Variants in TLE2 observed in about 807,000 individuals in gnomAD.
The protein encoded by TLE2 is transducin-like enhancer protein 2.
TLE2 carries 74 observed loss-of-function variants against 97.2 expected under a neutral mutation model. The observed-to-expected ratio is 0.76, with a 90% CI of 0.63 to 0.92. TLE2 has a LOEUF of 0.92. TLE2 is among the 40% of genes least tolerant of loss of function. The pLI is 0.00. For missense variants in TLE2, 1,038 were observed against 1,008.7 expected, an observed-to-expected ratio of 1.03 and a Z score of -0.39; for synonymous variants, 499 against 432.1, an observed-to-expected ratio of 1.15 and a Z score of -1.92.
At chr19:3,039,830 A>C (rs1599256392) in intron 1 of TLE2, among the ~76,000 whole-genome samples, 1 of 152,038 alleles carries the variant, frequency 6.6e-6, no homozygotes, top group South Asian at 2.1e-4. Flanking sequence ...AGATCACACT[A>C]CCTCCAGAGG....
At chr19:3,030,130 C>T (rs572504112), upstream of TLE2, among the ~76,000 whole-genome samples, 1 of 152,258 alleles carries the variant, frequency 6.6e-6, no homozygotes, top group Non-Finnish European at 1.5e-5. Context: ...AGTGCATGAA[C>T]GCTGTCAGCC....
chr19:3,006,741 A>T (rs908024141), intron 14 of TLE2, 72 bp from the exon 15 acceptor site: 1 of 1,512,006 alleles, frequency 6.6e-7, no homozygotes, highest in Non-Finnish European at 8.9e-7. Context: ...GAGGGCAGGG[A>T]GACGCCTTTG....
upstream of TLE2, among the ~76,000 whole-genome samples, chr19:3,033,883 T>C (rs1035061672): frequency 4.0e-5 from 6 of 151,698 alleles, no homozygotes; most frequent in South Asian, 1.0e-3. Context: ...CGTAGGTCTC[T>C]GTCCTTCCTT....
rs377096937 is a variant in TLE2 at position 3,028,370 on chromosome 19, T to C, written c.135A>G (p.Glu45=). The C allele has an allele frequency of 5.7e-5, 91 of 1,607,792 alleles. No homozygotes were observed. In the African/African-American group the frequency reaches 1.1e-3, roughly 19 times the overall value. Residue 45 remains glutamate, a synonymous_variant, in exon 3 of 20, where the codon GAA becomes GAG. Coordinates refer to ENST00000262953, the MANE Select transcript of TLE2 (RefSeq NM_003260.5). ...LQAQYHSLKL[E]CEKLASEKTE... The stretch of plus-strand genomic sequence containing the variant: ...TCTTCTCGCTGGCCAGCTTCTCACA[T>C]TCTAGCTTGAGGCTGAGAAGAAGAG...
chr19:3,015,737 C>T lies in TLE2; in HGVS notation c.594G>A (p.Glu198=). 6.2e-7 allele frequency: 1 copy of T among 1,610,740 alleles called. No homozygotes were observed. The highest frequency in any genetic ancestry group is 8.5e-7 in the Non-Finnish European group (1 of 1,179,054). ...PSRSASPSPP[E]SLVEEERPSG... ...TCGGTCGCTCCTCCTCCACGAGACTCTCAGGGGGCGAGGGAGATGCACTCT... is the reference window on the plus strand; with the variant it reads ...TCGGTCGCTCCTCCTCCACGAGACTTTCAGGGGGCGAGGGAGATGCACTCT... Residue 198 remains glutamate, a synonymous_variant, in exon 9 of 20, where the codon GAG becomes GAA. Transcript: ENST00000262953.
rs368681053 is a variant in TLE2, at chr19:3,019,499, G to C, written c.370-36C>G. The C allele has an allele frequency of 3.4e-6, 5 of 1,486,720 alleles. No individual in the cohort carries two copies. In the Admixed American group the frequency reaches 1.1e-4, roughly 33 times the overall value. 92.1% of individuals were successfully genotyped at this position (1,486,720 alleles called of 1,614,324 possible). ...GGAGGCAGGATGGGCCGGGGCGGGG[G>C]GCGGCAGGAGCCCAGCGGTCCCCAG... On this transcript the variant is annotated intron_variant, in intron 6 of 19. Transcript: ENST00000262953. The surrounding 1 kb of genome is among the most constrained non-coding windows in gnomAD (Gnocchi z 5.1).
chr19:3,015,894 G>C (rs2089692602), intron 8 of TLE2, 134 bp from the exon 9 acceptor site: 2 of 727,990 alleles, frequency 2.7e-6, no homozygotes, highest in African/African-American at 1.7e-5. Flanking sequence ...CTGGGAAATG[G>C]GAGCTTCCAA....
chr19:2,999,878 C>T (rs2089315488), intron 19 of TLE2, among the ~76,000 whole-genome samples: 1 of 143,636 alleles, frequency 7.0e-6, no homozygotes, highest in South Asian at 2.3e-4. Context: ...ACTGAAAATA[C>T]AAAAATTAGC....
intron 12 of TLE2, 119 bp downstream of exon 12, chr19:3,010,903 G>T: frequency 7.3e-7 from 1 of 1,377,646 alleles, no homozygotes; most frequent in Non-Finnish European, 9.7e-7. Flanking sequence ...TCACAAAAAG[G>T]ACCAAGGCAA....
chr19:2,997,825 G>A lies in TLE2; in HGVS notation c.*23C>T, dbSNP rs2089248711. On this transcript the variant is annotated 3_prime_UTR_variant, in exon 20 of 20. Transcript: ENST00000262953. Reference sequence around the variant, plus strand: ...GATTCCCCTGGGAGTCTGGACTTCGGGTACAGGAAGGGGGGTCATGTCTCA... The same window carrying A: ...GATTCCCCTGGGAGTCTGGACTTCGAGTACAGGAAGGGGGGTCATGTCTCA... The A allele has an allele frequency of 2.6e-6, 4 of 1,553,764 alleles. No individual in the cohort carries two copies. The highest frequency in any genetic ancestry group is 1.2e-5 in the South Asian group (1 of 86,544).
rs2089999023 is a variant in TLE2, at chr19:3,029,257, CG to C, written c.-354del. Reference sequence around the variant, plus strand: ...GCGGGCGGCGGGCCCCGCGCGGAGCCGCCTCCCTCCGGCGGGGCTCGGCCGG... The same window carrying C: ...GCGGGCGGCGGGCCCCGCGCGGAGCCCCTCCCTCCGGCGGGGCTCGGCCGG... On this transcript the variant is annotated 5_prime_UTR_variant, in exon 1 of 20. Coordinates refer to ENST00000262953, the MANE Select transcript of TLE2 (RefSeq NM_003260.5). 4.4e-6 allele frequency: 1 copy of C among 229,264 alleles called. No individual in the cohort carries two copies. Among genetic ancestry groups the C allele is most frequent in the Non-Finnish European group, 7.0e-6 (1 of 142,880 alleles). The allele number at this position is 229,264 out of a possible 1,614,324, so 14.2% of individuals were successfully genotyped here.
At position 3,019,977 on chromosome 19, in the gene TLE2, T is replaced by A; in HGVS notation, c.295-204A>T. The stretch of plus-strand genomic sequence containing the variant: ...CACGGAGAAAGAAACCAAACCTAAG[T>A]GCAGGTAGAATAGTTACAAATCAGG... On this transcript the variant is annotated intron_variant, in intron 5 of 19. Coordinates refer to ENST00000262953, the MANE Select transcript of TLE2 (RefSeq NM_003260.5). The surrounding 1 kb of genome is among the most constrained non-coding windows in gnomAD (Gnocchi z 5.1). The A allele has an allele frequency of 1.4e-6, 1 of 696,314 alleles. No homozygotes were observed. Among genetic ancestry groups the A allele is most frequent in the East Asian group, 2.8e-5 (1 of 35,916 alleles). The allele number at this position is 696,314 out of a possible 1,614,324, so 43.1% of individuals were successfully genotyped here.
chr19:3,014,597 CTT>C lies in TLE2; in HGVS notation c.694_695del (p.Lys232GlufsTer2). The C allele has an allele frequency of 6.3e-7, 1 of 1,590,610 alleles. No individual in the cohort carries two copies. The highest frequency in any genetic ancestry group is 8.6e-7 in the Non-Finnish European group (1 of 1,168,190). The part of the protein sequence containing the change: ...PSGPYESDED[K>X]SDYNLVVDED... ...CGTCCACCACCAGATTGTAATCACT[CTT>C]GTCTTCGTCGCTTTCCTGGGGGAAG... On this transcript the variant is annotated frameshift_variant, in exon 10 of 20. Coordinates refer to ENST00000262953, the MANE Select transcript of TLE2 (RefSeq NM_003260.5). LOFTEE classifies it high-confidence loss of function.
At position 3,005,487 on chromosome 19, in the gene TLE2, A is replaced by G; in HGVS notation, c.1846T>C (p.Trp616Arg). 1 of 1,613,830 alleles carries G rather than the reference A, an allele frequency of 6.2e-7. No individual in the cohort carries two copies. The highest frequency in any genetic ancestry group is 8.5e-7 in the Non-Finnish European group (1 of 1,179,808). ...AGCTGGCGGCCCTCCCGCAGGTCCCAGCAGCGCACCGTGTTGTCCAGGCCC... is the reference window on the plus strand; with the variant it reads ...AGCTGGCGGCCCTCCCGCAGGTCCCGGCAGCGCACCGTGTTGTCCAGGCCC... Reference protein sequence around the residue: ...TGGLDNTVRCWDLREGRQLQQ... With the variant: ...TGGLDNTVRCRDLREGRQLQQ... Residue 616 changes from tryptophan to arginine, a missense_variant, in exon 17 of 20, where the codon TGG becomes CGG. Physicochemically the swap from Trp to Arg is moderately radical, Grantham distance 101. Coordinates refer to ENST00000262953, the MANE Select transcript of TLE2 (RefSeq NM_003260.5).
intron 4 of TLE2, 95 bp downstream of exon 4, chr19:3,027,734 G>A (rs759195997): frequency 1.4e-5 from 18 of 1,261,954 alleles, no homozygotes; most frequent in Non-Finnish European, 2.0e-5. Context: ...TGTTCCCTAG[G>A]TCTGCTCTGG....
intron 1 of TLE2, among the ~76,000 whole-genome samples, chr19:3,040,387 C>T (rs2145231790): frequency 6.6e-6 from 1 of 152,274 alleles, no homozygotes; most frequent in South Asian, 2.1e-4. Flanking sequence ...GTCGACCAGG[C>T]TGGAGTGCAG....
intron 1 of TLE2, among the ~76,000 whole-genome samples, chr19:3,039,797 G>T (rs573404387): frequency 6.6e-6 from 1 of 152,326 alleles, no homozygotes; most frequent in African/African-American, 2.4e-5. Flanking sequence ...AACACAACCT[G>T]TAGGGGTCAG....
chr19:3,014,986 A>G (rs138691375), intron 9 of TLE2, among the ~76,000 whole-genome samples: 3 of 152,060 alleles, frequency 2.0e-5, no homozygotes, highest in Admixed American at 6.6e-5. Flanking sequence ...AAATAAATAA[A>G]TAAAATTCAT....
chr19:3,046,300 A>AGAGGGAC (rs1191514717), upstream of TLE2, among the ~76,000 whole-genome samples: 8 of 152,342 alleles, frequency 5.3e-5, no homozygotes, highest in African/African-American at 1.9e-4. Flanking sequence ...AAGGGCACAC[A>AGAGGGAC]GAGGGACGGA....
Sources: gnomAD v4.1 joint callset for allele counts (sites outside exome capture counted in the v4.1 genomes callset) on GRCh38, gnomAD v4.1.1 for gene constraint, Gnocchi (gnomAD v3.1) non-coding constraint, MANE v1.5 for transcripts, NCBI Gene and HGNC (gene_info 2026-07-23, HGNC 2026-07-21) for gene names.